Variants in ENTREP2 observed in about 807,000 individuals in gnomAD.
ENTREP2 encodes protein ENTREP2.
At chr15:29,653,486 G>GT in the ENTREP2 span, among the ~76,000 whole-genome samples, 8 of 152,164 alleles carry the variant, frequency 5.3e-5, no homozygotes, top group Non-Finnish European at 8.8e-5. Context: ...CCAGGTGGAG[G>GT]TAACTGAATC....
chr15:29,139,861 G>A, the ENTREP2 span, among the ~76,000 whole-genome samples: 1 of 152,288 alleles, frequency 6.6e-6, no homozygotes, highest in South Asian at 2.1e-4. Flanking sequence ...TGTTTAATTA[G>A]GTCTGGGTGT....
the ENTREP2 span, among the ~76,000 whole-genome samples, chr15:29,128,144 C>T: frequency 3.3e-5 from 5 of 152,328 alleles, no homozygotes; most frequent in Admixed American, 2.6e-4. Flanking sequence ...TCCAAATAAG[C>T]CAGCCCATGT....
chr15:29,499,400 T>C, the ENTREP2 span, among the ~76,000 whole-genome samples: 1 of 152,134 alleles, frequency 6.6e-6, no homozygotes, highest in Middle Eastern at 3.2e-3. Flanking sequence ...TTTGTTTGTT[T>C]TGAGACAGAG....
At chr15:29,449,368 G>T in the ENTREP2 span, among the ~76,000 whole-genome samples, 1 of 152,204 alleles carries the variant, frequency 6.6e-6, no homozygotes, top group African/African-American at 2.4e-5. Flanking sequence ...GGGTCAGCTT[G>T]GGGAGGCCCA....
At chr15:29,155,763 C>A in the ENTREP2 span, among the ~76,000 whole-genome samples, 2 of 152,188 alleles carry the variant, frequency 1.3e-5, no homozygotes, top group African/African-American at 4.8e-5. Flanking sequence ...TATCACCCAC[C>A]CCTCAGGGAT....
the ENTREP2 span, among the ~76,000 whole-genome samples, chr15:29,604,979 A>G: frequency 6.6e-6 from 1 of 152,206 alleles, no homozygotes; most frequent in South Asian, 2.1e-4. Flanking sequence ...CGTGGTATTT[A>G]TAGGAGTATT....
the ENTREP2 span, among the ~76,000 whole-genome samples, chr15:29,659,581 A>G: frequency 2.0e-5 from 3 of 152,208 alleles, no homozygotes; most frequent in Admixed American, 2.0e-4. Flanking sequence ...CATTTTCCCA[A>G]AATATTACAT....
the ENTREP2 span, among the ~76,000 whole-genome samples, chr15:29,356,290 ATATATATTTTTTTT>A: frequency 5.4e-5 from 3 of 55,340 alleles, no homozygotes; most frequent in African/African-American, 2.5e-4. Context: ...ATATATATAT[ATATATATTTTTTTT>A]TTTTTTTTTT....
At chr15:29,477,231 G>C in the ENTREP2 span, among the ~76,000 whole-genome samples, 1 of 152,082 alleles carries the variant, frequency 6.6e-6, no homozygotes, top group Non-Finnish European at 1.5e-5. Flanking sequence ...CTAAAAATCA[G>C]AAGAAAGGTT....
chr15:29,271,441 G>GA, the ENTREP2 span, among the ~76,000 whole-genome samples: 108 of 152,256 alleles, frequency 7.1e-4, no homozygotes, highest in Non-Finnish European at 1.4e-3. Context: ...CCTGTTTTAA[G>GA]AAAAAACAAC....
At chr15:29,406,445 G>C in the ENTREP2 span, among the ~76,000 whole-genome samples, 1 of 152,052 alleles carries the variant, frequency 6.6e-6, no homozygotes, top group Non-Finnish European at 1.5e-5. Flanking sequence ...CTACTCGGAT[G>C]GCTGAGGTAA....
chr15:29,137,271 A>C, the ENTREP2 span: 2 of 1,274,672 alleles, frequency 1.6e-6, no homozygotes, highest in East Asian at 3.1e-5. Flanking sequence ...ATTATACGAG[A>C]GCTTTAATGA....
the ENTREP2 span, among the ~76,000 whole-genome samples, chr15:29,620,104 G>A: frequency 6.2e-3 from 944 of 152,158 alleles, 19 homozygotes; most frequent in African/African-American, 0.022. Context: ...GTTTATGTAC[G>A]TTTTTTGCTT....
chr15:29,225,766 C>T, the ENTREP2 span, among the ~76,000 whole-genome samples: 12 of 152,182 alleles, frequency 7.9e-5, no homozygotes, highest in South Asian at 2.1e-4. Flanking sequence ...TCAGCCCCTG[C>T]GCCTCACCCC....
At chr15:29,333,508 C>A in the ENTREP2 span, among the ~76,000 whole-genome samples, 1 of 152,092 alleles carries the variant, frequency 6.6e-6, no homozygotes. Context: ...CCTGCATGGC[C>A]CTCCCGGGCA....
chr15:29,467,390 G>A, the ENTREP2 span, among the ~76,000 whole-genome samples: 1 of 152,196 alleles, frequency 6.6e-6, no homozygotes, highest in African/African-American at 2.4e-5. Context: ...TCAGTAAACA[G>A]GGATGAATAA....
At chr15:29,664,926 C>T in the ENTREP2 span, among the ~76,000 whole-genome samples, 1 of 152,210 alleles carries the variant, frequency 6.6e-6, no homozygotes, top group Non-Finnish European at 1.5e-5. Context: ...GTCCCCAATC[C>T]AACTTTCTCT....
At chr15:29,495,084 T>C in the ENTREP2 span, among the ~76,000 whole-genome samples, 174 of 152,360 alleles carry the variant, frequency 1.1e-3, 2 homozygotes, top group East Asian at 0.03. Context: ...TTGGATCATA[T>C]GGTTGTTCTA....
the ENTREP2 span, among the ~76,000 whole-genome samples, chr15:29,137,609 T>C: frequency 2.0e-5 from 3 of 151,894 alleles, no homozygotes; most frequent in Non-Finnish European, 4.4e-5. Flanking sequence ...CCGAGGCGGG[T>C]GGATCACCTG....
Sources: gnomAD v4.1 joint callset for allele counts (sites outside exome capture counted in the v4.1 genomes callset) on GRCh38, gnomAD v4.1.1 for gene constraint, MANE v1.5 for transcripts, NCBI Gene and HGNC (gene_info 2026-07-23, HGNC 2026-07-21) for gene names.